Variants in STARD13 observed in about 807,000 individuals in gnomAD.
The protein encoded by STARD13 is stAR-related lipid transfer protein 13.
Under a neutral mutation model 106.4 loss-of-function variants are expected in STARD13, and 62 were observed. The observed-to-expected ratio is 0.58, with a 90% CI of 0.48 to 0.72. The LOEUF (loss-of-function observed/expected upper bound fraction) is 0.72. Among genes scored for constraint, STARD13 ranks in the 30% least tolerant of loss-of-function variants. STARD13 has a pLI of 0.00. For missense variants in STARD13, 1,387 were observed against 1,424.0 expected, an observed-to-expected ratio of 0.97 and a Z score of 0.42; for synonymous variants, 565 against 553.0, an observed-to-expected ratio of 1.02 and a Z score of -0.31.
At chr13:33,291,183 A>C (rs1892278412) in intron 1 of STARD13, among the ~76,000 whole-genome samples, 1 of 152,194 alleles carries the variant, frequency 6.6e-6, no homozygotes, top group Non-Finnish European at 1.5e-5. Flanking sequence ...GCTATTGAAG[A>C]ATGTTCTTCT....
Position 33,245,406 on chromosome 13 carries a change from C to T in STARD13, c.169+40064G>A, listed in dbSNP as rs374542108. ...AAATATCCTGTGAATGCAAAAGACT[C>T]GTGCTTTGGGAAGAGAACAACTTCT... is the stretch of plus-strand genomic sequence containing the variant. On this transcript the variant is annotated intron_variant, in intron 1 of 13. Transcript: ENST00000336934. Among the ~76,000 whole-genome samples, 93 of 152,306 alleles carry T rather than the reference C, an allele frequency of 6.1e-4. 3 individuals are homozygous for T. The South Asian group carries it at 0.017, about 27-fold the overall frequency.
the STARD13 span, among the ~76,000 whole-genome samples, chr13:33,554,886 C>G: frequency 6.6e-6 from 1 of 152,114 alleles, no homozygotes; most frequent in Non-Finnish European, 1.5e-5. Context: ...CAAAAGCCCT[C>G]CTAGTGTTTG....
chr13:33,623,428 T>TAAAAAAAAAAAAAAAAAAAAAAA, the STARD13 span, among the ~76,000 whole-genome samples: 1 of 59,298 alleles, frequency 1.7e-5, no homozygotes, highest in African/African-American at 3.7e-5. Flanking sequence ...CTCAATAAAG[T>TAAAAAAAAAAAAAAAAAAAAAAA]AAAAAAAAAA....
At chr13:33,451,980 G>A in the STARD13 span, among the ~76,000 whole-genome samples, 1 of 152,132 alleles carries the variant, frequency 6.6e-6, no homozygotes, top group Admixed American at 6.6e-5. Context: ...GGAATAAGTG[G>A]GAAATAATTT....
intron 1 of STARD13, among the ~76,000 whole-genome samples, chr13:33,295,458 T>C (rs760430033): frequency 2.0e-5 from 3 of 152,204 alleles, no homozygotes; most frequent in Non-Finnish European, 4.4e-5. Flanking sequence ...GATTTTTTTC[T>C]GACGTCTCGT....
intron 7 of STARD13, among the ~76,000 whole-genome samples, chr13:33,121,288 C>T (rs745406136): frequency 5.9e-5 from 9 of 152,178 alleles, no homozygotes; most frequent in South Asian, 2.1e-4. Flanking sequence ...AAGTTTTGGC[C>T]GAGCACAGTG....
intron 1 of STARD13, among the ~76,000 whole-genome samples, chr13:33,302,878 T>C (rs893919028): frequency 4.6e-5 from 7 of 152,276 alleles, no homozygotes; most frequent in African/African-American, 1.7e-4. Flanking sequence ...ACAATATCAT[T>C]CTGATACTAT....
chr13:33,248,422 A>G (rs1026685753), intron 1 of STARD13, among the ~76,000 whole-genome samples: 2 of 152,196 alleles, frequency 1.3e-5, no homozygotes, highest in African/African-American at 4.8e-5. Flanking sequence ...TTTAGTCACT[A>G]CTTAAAACTG....
chr13:33,363,040 C>T, the STARD13 span, among the ~76,000 whole-genome samples: 1 of 152,210 alleles, frequency 6.6e-6, no homozygotes, highest in Non-Finnish European at 1.5e-5. Flanking sequence ...GGACCTTTGT[C>T]TCCACTCCAC....
chr13:33,224,379 G>C (rs1014516097), intron 1 of STARD13, among the ~76,000 whole-genome samples: 13 of 144,336 alleles, frequency 9.0e-5, no homozygotes, highest in Non-Finnish European at 7.9e-5. Context: ...TTATGCTTCA[G>C]TAACAAATAG....
At chr13:33,350,225 C>G in intron 1 of STARD13, 1 of 1,459,156 alleles carries the variant, frequency 6.9e-7, no homozygotes, top group Non-Finnish European at 9.0e-7. Context: ...GCGGCGGGCC[C>G]GGGCGGGCTA....
At chr13:33,478,966 T>C in the STARD13 span, among the ~76,000 whole-genome samples, 2 of 152,168 alleles carry the variant, frequency 1.3e-5, no homozygotes, top group Non-Finnish European at 2.9e-5. Context: ...TGGGAAAGAA[T>C]ATTTGTTAAA....
chr13:33,156,069 C>G (rs1881934405), intron 3 of STARD13, among the ~76,000 whole-genome samples: 1 of 152,214 alleles, frequency 6.6e-6, no homozygotes, highest in African/African-American at 2.4e-5. Context: ...CATTACGCCC[C>G]CATTACCATA....
chr13:33,242,073 G>A (rs1024055848), intron 1 of STARD13, among the ~76,000 whole-genome samples: 61 of 151,476 alleles, frequency 4.0e-4, no homozygotes, highest in Non-Finnish European at 7.8e-4. Flanking sequence ...CTGCCTGGCC[G>A]CAACCCAGTC....
At chr13:33,551,568 C>CTTTTTTTTTTTTTTTTT in the STARD13 span, among the ~76,000 whole-genome samples, 120 of 44,794 alleles carry the variant, frequency 2.7e-3, 59 homozygotes, top group East Asian at 8.8e-3. Flanking sequence ...TTTGCTTTTC[C>CTTTTTTTTTTTTTTTTT]CTTTTTTTTT....
chr13:33,629,429 A>G, the STARD13 span, among the ~76,000 whole-genome samples: 1,972 of 152,328 alleles, frequency 0.013, 41 homozygotes, highest in African/African-American at 0.045. Flanking sequence ...GCTGCCAGCC[A>G]TATGTCTTTT....
intron 1 of STARD13, among the ~76,000 whole-genome samples, chr13:33,304,839 A>C (rs1358757233): frequency 6.6e-6 from 1 of 152,226 alleles, no homozygotes; most frequent in Non-Finnish European, 1.5e-5. Flanking sequence ...GCTAAAAAGG[A>C]AACATTAACA....
chr13:33,408,884 G>A, the STARD13 span, among the ~76,000 whole-genome samples: 3 of 151,558 alleles, frequency 2.0e-5, no homozygotes, highest in East Asian at 3.9e-4. Flanking sequence ...CCGAGATATC[G>A]GGATAGCTTT....
the STARD13 span, among the ~76,000 whole-genome samples, chr13:33,523,829 T>A: frequency 1.3e-5 from 2 of 152,132 alleles, no homozygotes; most frequent in African/African-American, 4.8e-5. Context: ...CCCACTCTTA[T>A]GCCTCTTTTC....
Sources: allele counts gnomAD v4.1 joint callset (sites outside exome capture counted in the v4.1 genomes callset), GRCh38; gene constraint gnomAD v4.1.1; transcripts MANE v1.5; gene names NCBI Gene and HGNC (gene_info 2026-07-23, HGNC 2026-07-21).